Variants in CNTNAP2 observed in about 807,000 individuals in gnomAD.
The protein encoded by CNTNAP2 is contactin-associated protein-like 2.
CNTNAP2 carries 98 observed loss-of-function variants against 155.2 expected under a neutral mutation model. That is an observed-to-expected ratio of 0.63 (90% CI 0.54 to 0.75). The LOEUF (loss-of-function observed/expected upper bound fraction) is 0.75. Among genes scored for constraint, CNTNAP2 ranks in the 30% least tolerant of loss-of-function variants. The probability of loss-of-function intolerance (pLI) is 0.00; values close to 1 mark genes in which losing one functional copy is unlikely to be tolerated. For synonymous variants in CNTNAP2, 651 were observed against 631.2 expected (o/e 1.03, Z -0.47); for missense variants, 1,727 against 1,688.1 (o/e 1.02, Z -0.40).
intron 8 of CNTNAP2, among the ~76,000 whole-genome samples, chr7:147,225,874 GGAAA>G (rs1584803754): frequency 1.2e-5 from 1 of 81,336 alleles, no homozygotes; most frequent in African/African-American, 4.4e-5. Flanking sequence ...AAGGAAGGAG[GGAAA>G]GAAGGAAGGA....
chr7:147,736,851 G>A (rs1057394750), intron 13 of CNTNAP2, among the ~76,000 whole-genome samples: 2 of 152,132 alleles, frequency 1.3e-5, no homozygotes, highest in African/African-American at 2.4e-5. Flanking sequence ...CGTAGTTCTC[G>A]TGCTATGGTT....
intron 1 of CNTNAP2, among the ~76,000 whole-genome samples, chr7:146,439,613 C>T (rs1796291996): frequency 6.6e-6 from 1 of 151,582 alleles, no homozygotes; most frequent in African/African-American, 2.4e-5. Flanking sequence ...TCTGCATCTA[C>T]TTCTTCATAT....
At chr7:147,952,655 CAGTA>C (rs1800955987) in intron 14 of CNTNAP2, among the ~76,000 whole-genome samples, 2 of 151,962 alleles carry the variant, frequency 1.3e-5, no homozygotes, top group African/African-American at 4.8e-5. Context: ...CTTAGACTCA[CAGTA>C]AGAAAGTCAT....
chr7:147,983,884 G>A (rs1801574583), intron 15 of CNTNAP2, among the ~76,000 whole-genome samples: 1 of 152,136 alleles, frequency 6.6e-6, no homozygotes, highest in South Asian at 2.1e-4. Flanking sequence ...CCTTTAAAAG[G>A]TGCTTAGACT....
chr7:147,259,506 TAAAC>T (rs1368283446), intron 8 of CNTNAP2, among the ~76,000 whole-genome samples: 5 of 152,144 alleles, frequency 3.3e-5, no homozygotes, highest in Admixed American at 6.5e-5. Context: ...AAATATTAAA[TAAAC>T]AATATTTTTA....
At chr7:146,936,127 G>C (rs1796908765) in intron 3 of CNTNAP2, among the ~76,000 whole-genome samples, 1 of 152,136 alleles carries the variant, frequency 6.6e-6, no homozygotes, top group Admixed American at 6.5e-5. Context: ...GTAGCATTAA[G>C]GCCCTAAAGT....
At chr7:146,897,760 T>C (rs556786957) in intron 3 of CNTNAP2, among the ~76,000 whole-genome samples, 1 of 152,180 alleles carries the variant, frequency 6.6e-6, no homozygotes, top group East Asian at 1.9e-4. Context: ...CAGAATCAAT[T>C]GACCATAGTT....
chr7:146,243,001 C>T (rs1340608747), intron 1 of CNTNAP2, among the ~76,000 whole-genome samples: 1 of 152,024 alleles, frequency 6.6e-6, no homozygotes, highest in Non-Finnish European at 1.5e-5. Flanking sequence ...TTTATTTTTG[C>T]TGTTTTTAGA....
At chr7:146,967,890 T>A (rs1797690755) in intron 3 of CNTNAP2, among the ~76,000 whole-genome samples, 1 of 151,936 alleles carries the variant, frequency 6.6e-6, no homozygotes, top group African/African-American at 2.4e-5. Context: ...CTTGTGCCAG[T>A]TTTCAAAGGG....
intron 21 of CNTNAP2, among the ~76,000 whole-genome samples, chr7:148,283,323 A>AGAAAG (rs1797021804): frequency 8.0e-6 from 1 of 125,708 alleles, no homozygotes; most frequent in African/African-American, 3.5e-5. Context: ...AAGGAAGGAA[A>AGAAAG]GAAAGAAAGA....
chr7:146,483,168 C>T (rs936101719), intron 1 of CNTNAP2, among the ~76,000 whole-genome samples: 3 of 148,780 alleles, frequency 2.0e-5, no homozygotes, highest in South Asian at 2.2e-4. Context: ...CTCAGCTACT[C>T]GGGGGGCTGA....
chr7:148,125,026 G>T (rs182503062), intron 16 of CNTNAP2, among the ~76,000 whole-genome samples: 1 of 152,150 alleles, frequency 6.6e-6, no homozygotes, highest in Non-Finnish European at 1.5e-5. Context: ...TATTGTTAGA[G>T]TGTGAAGTAT....
intron 9 of CNTNAP2, among the ~76,000 whole-genome samples, chr7:147,340,932 C>T (rs1389968752): frequency 6.6e-6 from 1 of 151,938 alleles, no homozygotes; most frequent in Non-Finnish European, 1.5e-5. Context: ...CTTACTCTCC[C>T]CAGCTCTCAT....
At chr7:147,622,620 G>A (rs1194421942) in intron 12 of CNTNAP2, among the ~76,000 whole-genome samples, 1 of 151,740 alleles carries the variant, frequency 6.6e-6, no homozygotes, top group Admixed American at 6.6e-5. Context: ...AAAATCTATG[G>A]GATACGATAA....
At chr7:146,238,024 T>G (rs1486438497) in intron 1 of CNTNAP2, among the ~76,000 whole-genome samples, 3 of 152,186 alleles carry the variant, frequency 2.0e-5, no homozygotes, top group African/African-American at 4.8e-5. Flanking sequence ...TATATGATTG[T>G]TTTTATTTTC....
At chr7:148,017,873 C>A (rs554961149) in intron 15 of CNTNAP2, among the ~76,000 whole-genome samples, 1 of 152,296 alleles carries the variant, frequency 6.6e-6, no homozygotes, top group African/African-American at 2.4e-5. Flanking sequence ...AAAGAATATG[C>A]CTGGCCAAAA....
chr7:147,346,148 ATTTT>A (rs1795855120), intron 9 of CNTNAP2, among the ~76,000 whole-genome samples: 1 of 21,884 alleles, frequency 4.6e-5, no homozygotes, highest in African/African-American at 3.9e-4. Context: ...ATTTTATTTT[ATTTT>A]ATTTTTTTTT....
At chr7:147,268,430 G>A (rs1360369604) in intron 8 of CNTNAP2, among the ~76,000 whole-genome samples, 5 of 152,210 alleles carry the variant, frequency 3.3e-5, no homozygotes, top group South Asian at 4.1e-4. Context: ...GAAACACCAC[G>A]TGTTCTCACG....
chr7:148,115,499 C>T (rs10256700), intron 15 of CNTNAP2, among the ~76,000 whole-genome samples: 17,739 of 152,140 alleles, frequency 0.12, 1,085 homozygotes, highest in Admixed American at 0.16. Context: ...TGCAGGCTCT[C>T]GGGTCCTTAA....
Sources: allele counts gnomAD v4.1 joint callset (sites outside exome capture counted in the v4.1 genomes callset), GRCh38; gene constraint gnomAD v4.1.1; transcripts MANE v1.5; gene names NCBI Gene and HGNC (gene_info 2026-07-23, HGNC 2026-07-21).